Variants in EEF2K observed in about 807,000 individuals in gnomAD.
The protein encoded by EEF2K is eukaryotic elongation factor 2 kinase.
Under a neutral mutation model 93.8 loss-of-function variants are expected in EEF2K, and 70 were observed. The ratio of observed to expected loss-of-function variants is 0.75; its 90% CI spans 0.62 to 0.91. EEF2K has a LOEUF of 0.91. Among genes scored for constraint, EEF2K ranks in the 40% least tolerant of loss-of-function variants. The probability of loss-of-function intolerance (pLI) is 0.00; values close to 1 mark genes in which losing one functional copy is unlikely to be tolerated. For missense variants in EEF2K, 935 were observed against 972.9 expected, an observed-to-expected ratio of 0.96 and a Z score of 0.52; for synonymous variants, 376 against 380.8, an observed-to-expected ratio of 0.99 and a Z score of 0.15.
At position 22,283,945 on chromosome 16, in the gene EEF2K, C is replaced by A; in HGVS notation, c.2127C>A (p.Ala709=). 2 of 1,598,258 alleles carry A rather than the reference C, an allele frequency of 1.3e-6. No homozygotes were observed. The highest frequency in any genetic ancestry group is 1.3e-5 in the African/African-American group (1 of 74,798). The change falls in exon 18 of 18, where the codon GCC becomes GCA. Residue 709 remains alanine (A), a synonymous_variant. Transcript: ENST00000263026. Reference sequence around the variant, plus strand: ...TGGAAGCCATGAAGGGCCGACTGGCCAACCAGTACTACCAAAAGGCTGAAG... The same window carrying A: ...TGGAAGCCATGAAGGGCCGACTGGCAAACCAGTACTACCAAAAGGCTGAAG... ...AAMEAMKGRL[A]NQYYQKAEEA...
chr16:22,261,147 C>T (rs1444551687), intron 11 of EEF2K, among the ~76,000 whole-genome samples: 2 of 152,080 alleles, frequency 1.3e-5, no homozygotes, highest in Non-Finnish European at 2.9e-5. Flanking sequence ...CCAAGGTGGG[C>T]AGATCACTTG....
intron 2 of EEF2K, among the ~76,000 whole-genome samples, chr16:22,226,769 G>T (rs539853678): frequency 6.6e-6 from 1 of 152,202 alleles, no homozygotes; most frequent in East Asian, 1.9e-4. Context: ...TTTTTTGAAA[G>T]AATTTATTTA....
At chr16:22,270,797 G>A (rs531718567) in intron 15 of EEF2K, among the ~76,000 whole-genome samples, 1 of 152,116 alleles carries the variant, frequency 6.6e-6, no homozygotes, top group Admixed American at 6.6e-5. Flanking sequence ...TGGGCAGGGC[G>A]TCGCCCACCA....
chr16:22,232,128 C>G (rs2047122215), intron 2 of EEF2K, among the ~76,000 whole-genome samples: 1 of 151,194 alleles, frequency 6.6e-6, no homozygotes, highest in South Asian at 2.1e-4. Context: ...CTGGAATGGG[C>G]TTCCCTTTTT....
chr16:22,233,694 G>A (rs2047139170), intron 2 of EEF2K, among the ~76,000 whole-genome samples: 1 of 151,962 alleles, frequency 6.6e-6, no homozygotes, highest in South Asian at 2.1e-4. Flanking sequence ...CTGCCCCCTG[G>A]CAAAAAAATA....
intron 3 of EEF2K, among the ~76,000 whole-genome samples, chr16:22,245,755 C>G (rs1451409833): frequency 6.6e-6 from 1 of 152,144 alleles, no homozygotes; most frequent in East Asian, 1.9e-4. Context: ...CAAGCTCTCT[C>G]TGCCTTAGGT....
chr16:22,283,794 A>G, intron 17 of EEF2K, 93 bp from the exon 18 acceptor site: 1 of 1,214,878 alleles, frequency 8.2e-7, no homozygotes, highest in Non-Finnish European at 1.2e-6. Flanking sequence ...AGGAAACGTC[A>G]GGGTGTTCTT....
At position 22,280,355 on chromosome 16, in the gene EEF2K, G is replaced by T; in HGVS notation, c.2047G>T (p.Glu683Ter). The T allele has an allele frequency of 6.3e-7, 1 of 1,591,064 alleles. No homozygotes were observed. The highest frequency in any genetic ancestry group is 8.6e-7 in the Non-Finnish European group (1 of 1,168,522). ...GCTGTTCACAGGAGGCTACGGGCTG[G>T]AGAAGGACCCGCAGAGATCAGGTAG... The part of the protein sequence containing the change: ...EMLFTGGYGL[E>*]KDPQRSGDLY... Residue 683 changes from glutamate (E) to a stop codon, truncating the protein, a stop_gained, in exon 17 of 18, where the codon GAG (glutamate) becomes TAG (stop). Coordinates refer to ENST00000263026, the MANE Select transcript of EEF2K (RefSeq NM_013302.5). LOFTEE classifies it high-confidence loss of function.
chr16:22,260,084 T>A (rs1378270260), intron 10 of EEF2K, among the ~76,000 whole-genome samples: 1 of 152,142 alleles, frequency 6.6e-6, no homozygotes, highest in Non-Finnish European at 1.5e-5. Context: ...TGAGGCCCAC[T>A]TCTTGAGCCC....
chr16:22,248,951 T>C, intron 4 of EEF2K, 136 bp downstream of exon 4: 1 of 910,070 alleles, frequency 1.1e-6, no homozygotes, highest in Non-Finnish European at 1.6e-6. Flanking sequence ...TGTTATTGTT[T>C]ATTTATTGGT....
intron 2 of EEF2K, among the ~76,000 whole-genome samples, chr16:22,235,070 C>T (rs538545881): frequency 4.0e-5 from 6 of 151,206 alleles, no homozygotes; most frequent in South Asian, 2.1e-4. Context: ...AAAAATTAGC[C>T]GGGCATGGGG....
At chr16:22,267,219 G>T (rs1358855206) in intron 15 of EEF2K, among the ~76,000 whole-genome samples, 1 of 152,138 alleles carries the variant, frequency 6.6e-6, no homozygotes, top group East Asian at 1.9e-4. Context: ...CTGCTCATCA[G>T]TTCTGTGTGT....
chr16:22,250,828 C>A, intron 5 of EEF2K, 137 bp downstream of exon 5: 1 of 1,160,690 alleles, frequency 8.6e-7, no homozygotes, highest in Non-Finnish European at 1.2e-6. Context: ...TCCTGTCCAT[C>A]TAGTCTCCCT....
At position 22,229,185 on chromosome 16, in the gene EEF2K, G is replaced by A. The variant is rs547118406; in HGVS notation, c.246+3210G>A. On this transcript the variant is annotated intron_variant, in intron 2 of 17. Transcript: ENST00000263026. ...AAACCTCATACTGTGGAAGGTTTCC[G>A]TCTCAAGTGTCTTCTACATTTGTCC... Among the ~76,000 whole-genome samples, 12 of 152,100 alleles carry A rather than the reference G, an allele frequency of 7.9e-5. No individual in the cohort carries two copies. The East Asian group carries it at 9.7e-4, about 12-fold the overall frequency.
At chr16:22,209,857 GT>G (rs1446539746) in intron 1 of EEF2K, among the ~76,000 whole-genome samples, 2 of 152,168 alleles carry the variant, frequency 1.3e-5, no homozygotes, top group African/African-American at 4.8e-5. Context: ...CAGTGGCACA[GT>G]CACAGCTCAC....
chr16:22,233,675 C>T (rs2047138739), intron 2 of EEF2K, among the ~76,000 whole-genome samples: 1 of 152,190 alleles, frequency 6.6e-6, no homozygotes, highest in Admixed American at 6.6e-5. Context: ...CAGAGCGAGA[C>T]CCTCTCCCCT....
rs186146724 is a variant in EEF2K, at chr16:22,261,359, C to T, written c.1299+830C>T. ...CACTGCACTCCAGCCTGGGTGACAG[C>T]GAGATCTTGTCTCAAAAAAAAAGAA... On this transcript the variant is annotated intron_variant, in intron 11 of 17. Transcript: ENST00000263026. Among the ~76,000 whole-genome samples, 43 of 146,802 alleles carry T rather than the reference C, an allele frequency of 2.9e-4. No homozygotes were observed. In the South Asian group the frequency reaches 3.9e-3, roughly 13 times the overall value.
intron 2 of EEF2K, among the ~76,000 whole-genome samples, chr16:22,237,048 G>A (rs1487054162): frequency 2.8e-5 from 4 of 141,958 alleles, no homozygotes; most frequent in Non-Finnish European, 6.0e-5. Flanking sequence ...GGGTTCAAGC[G>A]ATTCTCATGC....
intron 12 of EEF2K, among the ~76,000 whole-genome samples, chr16:22,264,166 C>G (rs2047493635): frequency 6.6e-6 from 1 of 151,722 alleles, no homozygotes; most frequent in Non-Finnish European, 1.5e-5. Flanking sequence ...GTGGTGCACT[C>G]CTCTAGTCCC....
Sources: allele counts gnomAD v4.1 joint callset (sites outside exome capture counted in the v4.1 genomes callset), GRCh38; gene constraint gnomAD v4.1.1; transcripts MANE v1.5; gene names NCBI Gene and HGNC (gene_info 2026-07-23, HGNC 2026-07-21).